The following DNAJB14 variants were observed in gnomAD, a reference collection of about 807,000 sequenced individuals.
The protein encoded by DNAJB14 is dnaJ homolog subfamily B member 14.
DNAJB14 carries 22 observed loss-of-function variants against 48.4 expected under a neutral mutation model. The ratio of observed to expected loss-of-function variants is 0.45; its 90% CI spans 0.32 to 0.65. The LOEUF is 0.65. Ranked by LOEUF, DNAJB14 falls within the 30% of genes least tolerant of loss-of-function variation. The pLI is 0.03. For synonymous variants in DNAJB14, 142 were observed against 158.7 expected, an observed-to-expected ratio of 0.89 and a Z score of 0.79; for missense variants, 319 against 458.8, an observed-to-expected ratio of 0.70 and a Z score of 2.78.
chr4:99,901,963 G>A (rs1156366496), intron 7 of DNAJB14, among the ~76,000 whole-genome samples: 2 of 152,116 alleles, frequency 1.3e-5, no homozygotes, highest in Admixed American at 1.3e-4. Flanking sequence ...TCACAGTTAA[G>A]ACAGTATTCC....
At chr4:99,923,583 A>G in intron 2 of DNAJB14, 2 of 757,076 alleles carry the variant, frequency 2.6e-6, no homozygotes, top group Non-Finnish European at 1.6e-6. Context: ...ACAGCTAAGA[A>G]TGAACATGCA....
In DNAJB14 at chr4:99,923,162, T is replaced by C; in HGVS notation, c.329A>G (p.Tyr110Cys). The change falls in exon 3 of 8, where the codon TAT (tyrosine) becomes TGT (cysteine). Residue 110 changes from tyrosine (Y) to cysteine (C), a missense_variant. Tyr to Cys is a radical substitution (Grantham distance 194). Transcript: ENST00000442697. ...VLSINKCKNY[Y>C]EVLGVTKDAG... ...ATCTTTCGTAACTCCAAGTACTTCA[T>C]AGTAATTTTTACATTTGTTTATGCT... The C allele has an allele frequency of 6.2e-7, 1 of 1,611,818 alleles. No individual in the cohort carries two copies. The highest frequency in any genetic ancestry group is 8.5e-7 in the Non-Finnish European group (1 of 1,178,874).
chr4:99,944,369 A>G (rs1369628781), intron 1 of DNAJB14, among the ~76,000 whole-genome samples: 2 of 152,214 alleles, frequency 1.3e-5, no homozygotes, highest in Non-Finnish European at 2.9e-5. Flanking sequence ...GAATTACTGT[A>G]TGATCCTACA....
chr4:99,911,479 A>T (rs1356434186), intron 3 of DNAJB14, among the ~76,000 whole-genome samples: 1 of 152,150 alleles, frequency 6.6e-6, no homozygotes, highest in African/African-American at 2.4e-5. Context: ...GTTGTACAGA[A>T]CAGCTGTGTC....
chr4:99,927,970 T>C (rs1045478717), intron 2 of DNAJB14: 16 of 152,164 alleles, frequency 1.1e-4, no homozygotes, highest in African/African-American at 3.9e-4. Flanking sequence ...GAAACTCACA[T>C]AAAGTACAGA....
At chr4:99,944,939 T>A (rs1299436187) in intron 1 of DNAJB14, among the ~76,000 whole-genome samples, 1 of 152,158 alleles carries the variant, frequency 6.6e-6, no homozygotes, top group Non-Finnish European at 1.5e-5. Context: ...TTGGGAACAT[T>A]ATGCTAAGTG....
intron 1 of DNAJB14, among the ~76,000 whole-genome samples, chr4:99,944,893 A>T (rs537942935): frequency 6.6e-6 from 1 of 152,248 alleles, no homozygotes; most frequent in African/African-American, 2.4e-5. Context: ...GTATTTTTTT[A>T]AAGAGGAATT....
intron 7 of DNAJB14, among the ~76,000 whole-genome samples, chr4:99,901,742 A>G (rs1188869641): frequency 6.6e-6 from 1 of 152,148 alleles, no homozygotes; most frequent in Non-Finnish European, 1.5e-5. Flanking sequence ...TACTAATGAT[A>G]TACAGACTAC....
intron 1 of DNAJB14, among the ~76,000 whole-genome samples, chr4:99,937,914 CTATT>C (rs1234882653): frequency 6.1e-5 from 8 of 131,624 alleles, no homozygotes; most frequent in Non-Finnish European, 1.1e-4. Flanking sequence ...AACCCTGTCT[CTATT>C]TATTTAAAAA....
intron 3 of DNAJB14, among the ~76,000 whole-genome samples, chr4:99,919,456 G>T (rs1354233155): frequency 6.6e-6 from 1 of 152,016 alleles, no homozygotes; most frequent in East Asian, 1.9e-4. Flanking sequence ...TTGGTGGCAG[G>T]CGCCTGTAAT....
intron 1 of DNAJB14, among the ~76,000 whole-genome samples, chr4:99,937,087 C>T (rs970883438): frequency 1.3e-5 from 2 of 151,788 alleles, no homozygotes; most frequent in Middle Eastern, 3.3e-3. Context: ...GAGGCCGAGG[C>T]GGGCGGATCA....
rs779794073 is a variant in DNAJB14, at chr4:99,900,221, C to T, written c.*807G>A. ...GGACATATACATCAAAATTTGGTGG[C>T]CTTTAAAGTATTGGAATTTTAAATG... is the stretch of plus-strand genomic sequence containing the variant. On this transcript the variant is annotated 3_prime_UTR_variant, in exon 8 of 8. Transcript: ENST00000442697. 3 of 152,064 alleles carry T rather than the reference C, an allele frequency of 2.0e-5. No homozygotes were observed. The highest frequency in any genetic ancestry group is 4.4e-5 in the Non-Finnish European group (3 of 67,852). The allele number at this position is 152,064 out of a possible 1,614,324, so 9.4% of individuals were successfully genotyped here.
rs1408449578 is a variant in DNAJB14 at position 99,923,190 on chromosome 4, G to A, written c.306-5C>T. On this transcript the variant is annotated splice_polypyrimidine_tract_variant and splice_region_variant and intron_variant, in intron 2 of 7. Transcript: ENST00000442697. ...TAATTTTTACATTTGTTTATGCTGT[G>A]AACAAGAGAGTGTGTTATAATGTAA... 3.1e-6 allele frequency: 5 copies of A among 1,604,154 alleles called. No homozygotes were observed. Among genetic ancestry groups the A allele is most frequent in the Non-Finnish European group, 8.5e-7 (1 of 1,175,834 alleles).
At chr4:99,913,002 T>C (rs976004036) in intron 3 of DNAJB14, among the ~76,000 whole-genome samples, 1 of 152,194 alleles carries the variant, frequency 6.6e-6, no homozygotes, top group African/African-American at 2.4e-5. Context: ...TGCTAGTAAA[T>C]AGAAATGCAA....
In DNAJB14 at chr4:99,899,763, T is replaced by A. The variant is rs1725235420; in HGVS notation, c.*1265A>T. On this transcript the variant is annotated 3_prime_UTR_variant, in exon 8 of 8. Transcript: ENST00000442697. ...GAAGACTAGAAATCAAATAGTTTCA[T>A]ATCCAGTATACAGGCATCAAAAACT... The A allele has an allele frequency of 6.6e-6, 1 of 152,032 alleles. No homozygotes were observed. Among genetic ancestry groups the A allele is most frequent in the Non-Finnish European group, 1.5e-5 (1 of 67,810 alleles). 9.4% of individuals were successfully genotyped at this position (152,032 alleles called of 1,614,324 possible). A position where few individuals can be genotyped will look rare whatever the true frequency, so the allele number is the denominator to read the frequency against.
intron 6 of DNAJB14, 152 bp from the exon 7 acceptor site, chr4:99,904,050 A>AG: frequency 1.2e-6 from 1 of 829,884 alleles, no homozygotes; most frequent in East Asian, 2.8e-5. Context: ...GAAATCCGAA[A>AG]TGCTCTAAAA....
intron 1 of DNAJB14, among the ~76,000 whole-genome samples, chr4:99,939,983 T>C (rs367572600): frequency 6.6e-6 from 1 of 152,240 alleles, no homozygotes; most frequent in East Asian, 1.9e-4. Context: ...AATCTTATTT[T>C]ATGCATTTAC....
Position 99,903,704 on chromosome 4 carries a change from G to C in DNAJB14, c.1015+22C>G, listed in dbSNP as rs1047502999. On this transcript the variant is annotated intron_variant, in intron 7 of 7. Coordinates refer to ENST00000442697, the MANE Select transcript of DNAJB14 (RefSeq NM_001031723.4). ...AAAGACTGCGAATAAGTTTTAAAAT[G>C]TTAAACACATGACAAACTTACTTTG... is the stretch of plus-strand genomic sequence containing the variant. 2.5e-6 allele frequency: 4 copies of C among 1,596,776 alleles called. No homozygotes were observed. The African/African-American group carries it at 5.4e-5, about 22-fold the overall frequency.
chr4:99,946,411 AG>A, intron 1 of DNAJB14, 27 bp downstream of exon 1: 6 of 1,594,754 alleles, frequency 3.8e-6, no homozygotes, highest in Non-Finnish European at 5.1e-6. Context: ...GGGATTGGGC[AG>A]GAAGAGAAGG....
Sources: gnomAD v4.1 joint callset for allele counts (sites outside exome capture counted in the v4.1 genomes callset) on GRCh38, gnomAD v4.1.1 for gene constraint, MANE v1.5 for transcripts, NCBI Gene and HGNC (gene_info 2026-07-23, HGNC 2026-07-21) for gene names.